Variants in CPXM2 observed in about 807,000 individuals in gnomAD.
CPXM2 encodes inactive carboxypeptidase-like protein X2.
CPXM2 carries 66 observed loss-of-function variants against 86.1 expected under a neutral mutation model. The observed-to-expected ratio is 0.77, with a 90% CI of 0.63 to 0.94. The LOEUF is 0.94. CPXM2 is among the 40% of genes least tolerant of loss of function. The pLI, the probability that CPXM2 is intolerant of heterozygous loss-of-function variation, is 0.00. For synonymous variants in CPXM2, 388 were observed against 400.2 expected (o/e 0.97, Z 0.36); for missense variants, 948 against 1,026.3 (o/e 0.92, Z 1.04).
At chr10:123,939,057 T>C (rs955718182) in intron 2 of CPXM2, among the ~76,000 whole-genome samples, 1 of 152,150 alleles carries the variant, frequency 6.6e-6, no homozygotes. Flanking sequence ...GTTCCTGGTA[T>C]CCTGGATACC....
rs1945279554 is a variant in CPXM2, at chr10:123,891,793, G to T, written c.-134C>A. On this transcript the variant is annotated 5_prime_UTR_variant, in exon 1 of 14. Transcript: ENST00000241305. The surrounding 1 kb of genome is among the most constrained non-coding windows in gnomAD (Gnocchi z 5.6). ...CGCGCTTGGGCGCGGGAGGCGGCCGGCTGGCTGCGCGTGTGACCGGCCCGC... is the reference window on the plus strand; with the variant it reads ...CGCGCTTGGGCGCGGGAGGCGGCCGTCTGGCTGCGCGTGTGACCGGCCCGC... The T allele has an allele frequency of 4.2e-6, 2 of 473,374 alleles. No homozygotes were observed. Among genetic ancestry groups the T allele is most frequent in the African/African-American group, 4.2e-5 (2 of 47,896 alleles). 29.3% of individuals were successfully genotyped at this position (473,374 alleles called of 1,614,324 possible). A position where few individuals can be genotyped will look rare whatever the true frequency, so the allele number is the denominator to read the frequency against.
In CPXM2 at chr10:123,923,377, G is replaced by A. The variant is rs913794057; in HGVS notation, n.174+16100C>T. ...GGGCGGATCACGAGGTCAGGAGATC[G>A]AGACCATCCTGGCTAACACAGTGAA... On this transcript the variant is annotated intron_variant and non_coding_transcript_variant, in intron 2 of 19. Coordinates refer to the CPXM2 transcript ENST00000368854. Among the ~76,000 whole-genome samples the A allele has an allele frequency of 1.6e-4, 24 of 150,588 alleles. No homozygotes were observed. The East Asian group carries it at 4.0e-3, about 25-fold the overall frequency.
At chr10:123,857,541 G>A (rs1303729262) in intron 3 of CPXM2, among the ~76,000 whole-genome samples, 1 of 143,786 alleles carries the variant, frequency 7.0e-6, no homozygotes, top group Non-Finnish European at 1.5e-5. Flanking sequence ...GGTGATGCCA[G>A]CGATGGAAGG....
chr10:123,783,849 A>G (rs1846990073), intron 6 of CPXM2, among the ~76,000 whole-genome samples: 1 of 151,922 alleles, frequency 6.6e-6, no homozygotes, highest in South Asian at 2.1e-4. Flanking sequence ...TTACTTCTAT[A>G]CCTCCTGTAT....
chr10:123,857,635 T>C (rs565665279), intron 3 of CPXM2, among the ~76,000 whole-genome samples: 236 of 90,620 alleles, frequency 2.6e-3, no homozygotes, highest in Non-Finnish European at 3.7e-3. Flanking sequence ...GGCGTGGAGA[T>C]GGAAGGCGGC....
Position 123,746,399 on chromosome 10 carries a change from C to T in CPXM2, c.*365G>A, listed in dbSNP as rs1008296568. On this transcript the variant is annotated 3_prime_UTR_variant, in exon 14 of 14. Transcript: ENST00000241305. ...GTGCAAATTGCAAATGCACGTGGAA[C>T]CCTTGCTGCCACGCAAACAGGGGAA... is the stretch of plus-strand genomic sequence containing the variant. 7.8e-6 allele frequency: 2 copies of T among 256,800 alleles called. No homozygotes were observed. Among genetic ancestry groups the T allele is most frequent in the Non-Finnish European group, 1.5e-5 (2 of 135,016 alleles). The allele number at this position is 256,800 out of a possible 1,614,324, so 15.9% of individuals were successfully genotyped here.
chr10:123,904,550 C>T (rs180916052), intron 2 of CPXM2, among the ~76,000 whole-genome samples: 1 of 152,292 alleles, frequency 6.6e-6, no homozygotes, highest in Non-Finnish European at 1.5e-5. Flanking sequence ...ATATTATTCC[C>T]ATCATCACTG....
intron 2 of CPXM2, among the ~76,000 whole-genome samples, chr10:123,937,205 C>G (rs1337777739): frequency 6.6e-6 from 1 of 152,182 alleles, no homozygotes; most frequent in Non-Finnish European, 1.5e-5. Context: ...GAGAAAGGAG[C>G]TGGACTTGGG....
intron 2 of CPXM2, among the ~76,000 whole-genome samples, chr10:123,938,654 G>T (rs576904002): frequency 6.6e-6 from 1 of 152,208 alleles, no homozygotes; most frequent in South Asian, 2.1e-4. Context: ...GACAGATGCC[G>T]TTAGCAAGCA....
rs529139985 is a variant in CPXM2, at chr10:123,841,823, G to A, written c.653+526C>T. 7.9e-5 allele frequency among the ~76,000 whole-genome samples: 12 copies of A among 152,290 alleles called. No individual in the cohort carries two copies. The East Asian group carries it at 1.2e-3, about 15-fold the overall frequency. On this transcript the variant is annotated intron_variant, in intron 4 of 13. Coordinates refer to ENST00000241305, the MANE Select transcript of CPXM2 (RefSeq NM_198148.3). ...CACTGTCCCAGCCTTGGCCCTGAGT[G>A]AAATTCTGAGAAATGAGACCCCTTC...
At chr10:123,867,039 A>G (rs1461652044) in intron 2 of CPXM2, among the ~76,000 whole-genome samples, 1 of 152,254 alleles carries the variant, frequency 6.6e-6, no homozygotes, top group African/African-American at 2.4e-5. Context: ...GCCCCGCAGT[A>G]GGCATCCTGC....
At chr10:123,750,410 T>C in intron 13 of CPXM2, 1 of 977,550 alleles carries the variant, frequency 1.0e-6, no homozygotes, top group Non-Finnish European at 1.2e-6. Flanking sequence ...TTCTTGACTC[T>C]GAGCCTTTGC....
rs766664971 is a variant in CPXM2, at chr10:123,891,565, T to G, written c.95A>C (p.Asp32Ala). ...GVGAQGAALE[D>A]PDYYGQEIWS... is the part of the protein sequence containing the mutation. ...GATCTCCTGCCCGTAATAATCAGGG[T>G]CCTCGAGGGCTGCGCCCTGGGCTCC... Residue 32 changes from aspartate (D) to alanine (A), a missense_variant, in exon 1 of 14, where the codon GAC (aspartate) becomes GCC (alanine). Asp to Ala is a moderately radical substitution (Grantham distance 126). Coordinates refer to ENST00000241305, the MANE Select transcript of CPXM2 (RefSeq NM_198148.3). The surrounding 1 kb of genome is among the most constrained non-coding windows in gnomAD (Gnocchi z 5.6). 2 of 1,545,816 alleles carry G rather than the reference T, an allele frequency of 1.3e-6. No individual in the cohort carries two copies. Among genetic ancestry groups the G allele is most frequent in the Non-Finnish European group, 1.7e-6 (2 of 1,144,534 alleles).
chr10:123,747,041 G>T, intron 13 of CPXM2, 24 bp from the exon 14 acceptor site: 1 of 1,612,012 alleles, frequency 6.2e-7, no homozygotes. Flanking sequence ...AACCAGGGGA[G>T]ACTCAGAGCA....
intron 7 of CPXM2, among the ~76,000 whole-genome samples, chr10:123,772,807 G>T (rs1480563593): frequency 6.6e-6 from 1 of 151,444 alleles, no homozygotes; most frequent in Admixed American, 6.6e-5. Context: ...CCTGGTTGTG[G>T]CTATCACTTC....
At chr10:123,765,881 C>T (rs1398685280) in intron 10 of CPXM2, among the ~76,000 whole-genome samples, 1 of 152,222 alleles carries the variant, frequency 6.6e-6, no homozygotes. Context: ...GTCCTGTCTC[C>T]AGCTCCCTTG....
intron 4 of CPXM2, among the ~76,000 whole-genome samples, chr10:123,826,843 A>G (rs1200593314): frequency 2.0e-5 from 3 of 152,190 alleles, no homozygotes; most frequent in Admixed American, 2.0e-4. Flanking sequence ...CATTATTCCA[A>G]AAGACACAGC....
intron 5 of CPXM2, 39 bp downstream of exon 5, chr10:123,799,076 C>G: frequency 6.2e-7 from 1 of 1,611,076 alleles, no homozygotes; most frequent in Non-Finnish European, 8.5e-7. Context: ...CCCACCCAGC[C>G]AGGAAGAAAG....
intron 2 of CPXM2, among the ~76,000 whole-genome samples, chr10:123,920,125 A>C (rs1003834720): frequency 3.3e-5 from 5 of 152,234 alleles, no homozygotes; most frequent in African/African-American, 1.2e-4. Flanking sequence ...AAACCATGGC[A>C]CAGATCAATA....
Sources: allele counts gnomAD v4.1 joint callset (sites outside exome capture counted in the v4.1 genomes callset), GRCh38; gene constraint gnomAD v4.1.1; non-coding constraint Gnocchi (gnomAD v3.1); transcripts MANE v1.5; gene names NCBI Gene and HGNC (gene_info 2026-07-23, HGNC 2026-07-21).